Variants in CACNA2D1 observed in about 807,000 individuals in gnomAD.
CACNA2D1 encodes calcium voltage-gated channel auxiliary subunit alpha2delta 1.
Under a neutral mutation model 171.5 loss-of-function variants are expected in CACNA2D1, and 53 were observed. That is an observed-to-expected ratio of 0.31 (90% CI 0.25 to 0.39). CACNA2D1 has a LOEUF of 0.39. Among genes scored for constraint, CACNA2D1 ranks in the 10% least tolerant of loss-of-function variants. The pLI, the probability that CACNA2D1 is intolerant of heterozygous loss-of-function variation, is 1.00. For missense variants in CACNA2D1, 903 were observed against 1,299.8 expected, an observed-to-expected ratio of 0.69 and a Z score of 4.69; for synonymous variants, 442 against 443.1, an observed-to-expected ratio of 1.00 and a Z score of 0.03.
intron 4 of CACNA2D1, among the ~76,000 whole-genome samples, chr7:82,161,639 A>C (rs907140996): frequency 6.6e-6 from 1 of 152,100 alleles, no homozygotes; most frequent in Non-Finnish European, 1.5e-5. Flanking sequence ...TGATCCTTTG[A>C]GATGCAAAAC....
At chr7:82,227,184 C>A (rs1479559512) in intron 3 of CACNA2D1, among the ~76,000 whole-genome samples, 4 of 151,952 alleles carry the variant, frequency 2.6e-5, no homozygotes, top group Non-Finnish European at 5.9e-5. Flanking sequence ...CAAATTTATC[C>A]ATTCTCAATG....
At position 82,007,724 on chromosome 7, in the gene CACNA2D1, C is replaced by A; in HGVS notation, c.1395G>T (p.Pro465=). 1 of 1,601,140 alleles carries A rather than the reference C, an allele frequency of 6.2e-7. No individual in the cohort carries two copies. Among genetic ancestry groups the A allele is most frequent in the East Asian group, 2.2e-5 (1 of 44,720 alleles). Residue 465 remains proline (P), a synonymous_variant, in exon 16 of 39, where the codon CCG becomes CCT. Transcript: ENST00000356860. The part of the protein sequence containing the change: ...ELGLVITGTL[P]VFNITGQFEN... ...CAAATTGGCCGGTTATGTTGAAGACCGGAAGAGTTCCAGTAATGACAAGTC... is the reference window on the plus strand; with the variant it reads ...CAAATTGGCCGGTTATGTTGAAGACAGGAAGAGTTCCAGTAATGACAAGTC...
At chr7:82,357,281 CCATTT>C (rs1315547564) in intron 1 of CACNA2D1, among the ~76,000 whole-genome samples, 1 of 152,024 alleles carries the variant, frequency 6.6e-6, no homozygotes, top group African/African-American at 2.4e-5. Context: ...ATATGGTAAT[CCATTT>C]CATTTTGTGT....
At chr7:82,292,001 G>A (rs188214664) in intron 3 of CACNA2D1, among the ~76,000 whole-genome samples, 18 of 148,178 alleles carry the variant, frequency 1.2e-4, no homozygotes, top group South Asian at 4.2e-4. Flanking sequence ...ACACATGCAC[G>A]CACACACACA....
At chr7:82,421,320 A>G (rs574067485) in intron 1 of CACNA2D1, among the ~76,000 whole-genome samples, 226 of 152,340 alleles carry the variant, frequency 1.5e-3, no homozygotes, top group African/African-American at 5.1e-3. Context: ...GACAGTAGCA[A>G]TCACAAGTCA....
rs1197924037 is a variant in CACNA2D1, at chr7:81,948,001, C to A, written c.*2391G>T. 2.6e-5 allele frequency: 4 copies of A among 151,608 alleles called. No homozygotes were observed. The East Asian group carries it at 7.7e-4, about 29-fold the overall frequency. 9.4% of individuals were successfully genotyped at this position (151,608 alleles called of 1,614,324 possible). A position where few individuals can be genotyped will look rare whatever the true frequency, so the allele number is the denominator to read the frequency against. ...TAAATAGGATCCTGCCAAGAGATGCCAAGTTTAACCGCGATTAATACAATA... is the reference window on the plus strand; with the variant it reads ...TAAATAGGATCCTGCCAAGAGATGCAAAGTTTAACCGCGATTAATACAATA... On this transcript the variant is annotated 3_prime_UTR_variant, in exon 39 of 39. Coordinates refer to ENST00000356860, the MANE Select transcript of CACNA2D1 (RefSeq NM_000722.4).
In CACNA2D1 at chr7:81,949,283, CATTT is replaced by C. The variant is rs1190263115; in HGVS notation, c.*1105_*1108del. On this transcript the variant is annotated 3_prime_UTR_variant, in exon 39 of 39. Coordinates refer to ENST00000356860, the MANE Select transcript of CACNA2D1 (RefSeq NM_000722.4). The stretch of plus-strand genomic sequence containing the variant: ...AATCTGTATAAAATTCATTAATTCT[CATTT>C]CACCATTTATCTAACCCCAATCATT... 2.0e-5 allele frequency: 3 copies of C among 152,016 alleles called. No individual in the cohort carries two copies. Among genetic ancestry groups the C allele is most frequent in the African/African-American group, 7.2e-5 (3 of 41,416 alleles). The allele number at this position is 152,016 out of a possible 1,614,324, so 9.4% of individuals were successfully genotyped here.
At chr7:82,065,464 T>G (rs3801768) in intron 8 of CACNA2D1, among the ~76,000 whole-genome samples, 73,745 of 152,004 alleles carry the variant, frequency 0.49, 20,478 homozygotes, top group African/African-American at 0.77. Flanking sequence ...AAAACAAGAC[T>G]ATATATTAGT....
At chr7:82,420,031 T>C (rs1828574914) in intron 1 of CACNA2D1, among the ~76,000 whole-genome samples, 1 of 152,154 alleles carries the variant, frequency 6.6e-6, no homozygotes, top group Admixed American at 6.5e-5. Flanking sequence ...CCCTTCCACT[T>C]CAAAGAACTG....
chr7:82,171,008 T>C (rs1262633412), intron 3 of CACNA2D1, among the ~76,000 whole-genome samples: 3 of 152,168 alleles, frequency 2.0e-5, no homozygotes, highest in Non-Finnish European at 4.4e-5. Context: ...CATTGAGAGA[T>C]TAATATGCAC....
intron 3 of CACNA2D1, among the ~76,000 whole-genome samples, chr7:82,279,193 A>AC (rs1809751730): frequency 6.6e-6 from 1 of 152,228 alleles, no homozygotes; most frequent in African/African-American, 2.4e-5. Context: ...ATAGGTTCAG[A>AC]GGGGCAATAA....
chr7:82,392,421 G>A (rs905951685), intron 1 of CACNA2D1, among the ~76,000 whole-genome samples: 1 of 152,170 alleles, frequency 6.6e-6, no homozygotes, highest in African/African-American at 2.4e-5. Flanking sequence ...AGTTGTCGGA[G>A]TAACCTCATT....
intron 3 of CACNA2D1, among the ~76,000 whole-genome samples, chr7:82,182,777 C>T (rs893326314): frequency 1.3e-5 from 2 of 151,982 alleles, no homozygotes; most frequent in Non-Finnish European, 2.9e-5. Flanking sequence ...GTGGGTCCCA[C>T]CTATAATCCC....
intron 1 of CACNA2D1, among the ~76,000 whole-genome samples, chr7:82,435,527 C>T (rs1830048039): frequency 6.6e-6 from 1 of 152,146 alleles, no homozygotes; most frequent in Non-Finnish European, 1.5e-5. Context: ...TTCTTCCTTT[C>T]CTGATTCCCC....
intron 3 of CACNA2D1, among the ~76,000 whole-genome samples, chr7:82,299,659 CAA>C (rs76037778): frequency 2.3e-4 from 26 of 113,694 alleles, no homozygotes; most frequent in East Asian, 2.5e-4. Context: ...GACTCTATCT[CAA>C]AAAAAAAAAA....
intron 12 of CACNA2D1, chr7:82,021,040 T>G (rs1019593302): frequency 6.6e-6 from 1 of 152,138 alleles, no homozygotes; most frequent in African/African-American, 2.4e-5. Flanking sequence ...TTTAATTCAC[T>G]AGCAACTATA....
chr7:82,401,665 C>T (rs1826440549), intron 1 of CACNA2D1, among the ~76,000 whole-genome samples: 1 of 151,560 alleles, frequency 6.6e-6, no homozygotes, highest in Non-Finnish European at 1.5e-5. Flanking sequence ...ATGTAACTAA[C>T]CTGCACAATG....
intron 4 of CACNA2D1, among the ~76,000 whole-genome samples, chr7:82,151,155 C>A (rs1244120140): frequency 6.6e-6 from 1 of 152,112 alleles, no homozygotes; most frequent in Admixed American, 6.6e-5. Flanking sequence ...TTCTTTATTT[C>A]ATCTCTTGTC....
chr7:82,013,563 C>T (rs1313209231), intron 13 of CACNA2D1, 53 bp from the exon 14 acceptor site: 4 of 621,470 alleles, frequency 6.4e-6, no homozygotes, highest in East Asian at 1.0e-4. Flanking sequence ...TAATAAAGGG[C>T]CACAAAATTA....
Sources: allele counts gnomAD v4.1 joint callset (sites outside exome capture counted in the v4.1 genomes callset), GRCh38; gene constraint gnomAD v4.1.1; transcripts MANE v1.5; gene names NCBI Gene and HGNC (gene_info 2026-07-23, HGNC 2026-07-21).